BMP7: variants seen among roughly 807,000 people sequenced by gnomAD.
BMP7 encodes bone morphogenetic protein 7.
BMP7 carries 12 observed loss-of-function variants against 41.2 expected under a neutral mutation model. The observed-to-expected ratio is 0.29, with a 90% confidence interval of 0.19 to 0.47. The LOEUF is 0.47. Ranked by LOEUF, BMP7 falls within the 20% of genes least tolerant of loss-of-function variation. The pLI is 0.99. For missense variants in BMP7, 467 were observed against 606.0 expected, an observed-to-expected ratio of 0.77 and a Z score of 2.41; for synonymous variants, 248 against 250.0, an observed-to-expected ratio of 0.99 and a Z score of 0.07.
chr20:57,252,876 C>T (rs1200475008), intron 1 of BMP7, among the ~76,000 whole-genome samples: 2 of 152,146 alleles, frequency 1.3e-5, no homozygotes, highest in Non-Finnish European at 2.9e-5. Flanking sequence ...CCCCAGGGTA[C>T]AGTTAGCAAT....
chr20:57,263,428 A>T (rs1481213637), intron 1 of BMP7, among the ~76,000 whole-genome samples: 1 of 152,196 alleles, frequency 6.6e-6, no homozygotes, highest in Non-Finnish European at 1.5e-5. Context: ...AGCCCGCACC[A>T]AAGTTCCCAG....
intron 2 of BMP7, among the ~76,000 whole-genome samples, chr20:57,205,368 G>A (rs776121576): frequency 5.3e-5 from 8 of 152,062 alleles, no homozygotes; most frequent in South Asian, 2.1e-4. Context: ...GGCTGGCTTC[G>A]GGGATGTCTA....
intron 1 of BMP7, among the ~76,000 whole-genome samples, chr20:57,229,227 T>G (rs1201124274): frequency 6.6e-6 from 1 of 152,118 alleles, no homozygotes; most frequent in Non-Finnish European, 1.5e-5. Flanking sequence ...TCCGACCCCC[T>G]CCTGAACCAA....
At chr20:57,225,318 G>A (rs961529465) in intron 2 of BMP7, among the ~76,000 whole-genome samples, 25 of 152,020 alleles carry the variant, frequency 1.6e-4, no homozygotes, top group African/African-American at 4.1e-4. Context: ...GAATTGGCTC[G>A]GTGGACCTAC....
intron 4 of BMP7, among the ~76,000 whole-genome samples, chr20:57,181,379 C>T (rs1303785377): frequency 1.3e-5 from 2 of 151,798 alleles, no homozygotes; most frequent in African/African-American, 4.8e-5. Context: ...ATCTATAGTC[C>T]CAGCTACCTG....
intron 1 of BMP7, among the ~76,000 whole-genome samples, chr20:57,245,035 C>G (rs2066084270): frequency 6.6e-6 from 1 of 152,162 alleles, no homozygotes; most frequent in African/African-American, 2.4e-5. Flanking sequence ...CCCCTGTCTC[C>G]CTTTCAAAAT....
chr20:57,245,783 C>T (rs930250062), intron 1 of BMP7, among the ~76,000 whole-genome samples: 1 of 151,840 alleles, frequency 6.6e-6, no homozygotes, highest in African/African-American at 2.4e-5. Context: ...CGATTACAGG[C>T]GCCCGCCACC....
chr20:57,170,422 T>A lies in BMP7; in HGVS notation c.*537A>T. 5.0e-6 allele frequency: 1 copy of A among 200,210 alleles called. No individual in the cohort carries two copies. Among genetic ancestry groups the A allele is most frequent in the East Asian group, 1.2e-4 (1 of 8,164 alleles). The allele number at this position is 200,210 out of a possible 1,614,324, so 12.4% of individuals were successfully genotyped here. A position where few individuals can be genotyped will look rare whatever the true frequency, so the allele number is the denominator to read the frequency against. On this transcript the variant is annotated 3_prime_UTR_variant, in exon 7 of 7. Coordinates refer to ENST00000395863, the MANE Select transcript of BMP7 (RefSeq NM_001719.3). Reference sequence around the variant, plus strand: ...CCCGCCCTCCACTTGACACAGCTTCTGTTTACGCATCAGGATAAACCGAGA... The same window carrying A: ...CCCGCCCTCCACTTGACACAGCTTCAGTTTACGCATCAGGATAAACCGAGA...
intron 2 of BMP7, among the ~76,000 whole-genome samples, chr20:57,226,540 C>T (rs1377073828): frequency 2.6e-5 from 4 of 152,236 alleles, no homozygotes; most frequent in Non-Finnish European, 2.9e-5. Context: ...CAACCCAAGC[C>T]GTGGAACAGT....
At chr20:57,256,057 C>T (rs1264511444) in intron 1 of BMP7, among the ~76,000 whole-genome samples, 1 of 152,064 alleles carries the variant, frequency 6.6e-6, no homozygotes, top group Non-Finnish European at 1.5e-5. Flanking sequence ...AGTCACTTTA[C>T]AAGTGGGAAT....
chr20:57,176,062 AG>A (rs1983916060), intron 4 of BMP7, among the ~76,000 whole-genome samples: 1 of 152,240 alleles, frequency 6.6e-6, no homozygotes, highest in African/African-American at 2.4e-5. Flanking sequence ...TCCAGGAGTC[AG>A]GAAGTGGTTC....
chr20:57,184,058 C>A, intron 3 of BMP7, 139 bp from the exon 4 acceptor site: 1 of 996,194 alleles, frequency 1.0e-6, no homozygotes, highest in Non-Finnish European at 1.5e-6. Context: ...ATTGAGTACT[C>A]ACTCTAGGCC....
At chr20:57,193,037 T>C (rs1237741227) in intron 3 of BMP7, among the ~76,000 whole-genome samples, 2 of 152,170 alleles carry the variant, frequency 1.3e-5, no homozygotes, top group Admixed American at 1.3e-4. Context: ...CCAGAGGTCA[T>C]GGCTTTGCTG....
At chr20:57,217,029 T>C (rs1985048215) in intron 2 of BMP7, among the ~76,000 whole-genome samples, 1 of 152,122 alleles carries the variant, frequency 6.6e-6, no homozygotes, top group Admixed American at 6.5e-5. Flanking sequence ...TACTGCACCG[T>C]GAGCCCCCGC....
chr20:57,212,536 G>A (rs532136793), intron 2 of BMP7, among the ~76,000 whole-genome samples: 17 of 152,202 alleles, frequency 1.1e-4, no homozygotes, highest in Admixed American at 5.9e-4. Flanking sequence ...ACTGCAGGCC[G>A]GACATTCTGA....
chr20:57,259,467 T>A lies in BMP7; in HGVS notation c.418+6238A>T, dbSNP rs940306055. Among the ~76,000 whole-genome samples the A allele has an allele frequency of 1.3e-5, 2 of 152,224 alleles. No individual in the cohort carries two copies. The highest frequency in any genetic ancestry group is 4.8e-5 in the African/African-American group (2 of 41,454). On this transcript the variant is annotated intron_variant, in intron 1 of 6. Transcript: ENST00000395863. The surrounding 1 kb of genome is among the most constrained non-coding windows in gnomAD (Gnocchi z 4.7). Reference sequence around the variant, plus strand: ...GTACCATGCTACCGACATCAATTAATGAAAAGCAGGGTTGTGTGAGAGGCT... The same window carrying A: ...GTACCATGCTACCGACATCAATTAAAGAAAAGCAGGGTTGTGTGAGAGGCT...
intron 1 of BMP7, among the ~76,000 whole-genome samples, chr20:57,234,847 C>T (rs987620330): frequency 1.3e-5 from 2 of 152,274 alleles, no homozygotes; most frequent in African/African-American, 4.8e-5. Context: ...GCATTGAACA[C>T]ATTACTCTTC....
chr20:57,190,663 A>G (rs549036830), intron 3 of BMP7, among the ~76,000 whole-genome samples: 10 of 152,170 alleles, frequency 6.6e-5, no homozygotes, highest in African/African-American at 2.4e-4. Context: ...GTGGTGGTCC[A>G]GAAGCGCGTC....
rs1446209931 is a variant in BMP7, at chr20:57,259,525, A to G, written c.418+6180T>C. ...GGAAATGCATTAACACACGTTCAAC[A>G]TGTTTGCACAGGAACCGGATTATAT... On this transcript the variant is annotated intron_variant, in intron 1 of 6. Transcript: ENST00000395863. This position sits in a 1 kb window ranked among gnomAD's most constrained non-coding sequence, Gnocchi z 4.7. Among the ~76,000 whole-genome samples the G allele has an allele frequency of 6.6e-6, 1 of 152,220 alleles. No individual in the cohort carries two copies.
Sources: allele counts gnomAD v4.1 joint callset (sites outside exome capture counted in the v4.1 genomes callset), GRCh38; gene constraint gnomAD v4.1.1; non-coding constraint Gnocchi (gnomAD v3.1); transcripts MANE v1.5; gene names NCBI Gene and HGNC (gene_info 2026-07-23, HGNC 2026-07-21).